CCDC30: variants seen among roughly 807,000 people sequenced by gnomAD.
CCDC30 encodes coiled-coil domain containing 30.
In CCDC30, 70 loss-of-function variants were observed where a neutral mutation model predicts 100.2. That is an observed-to-expected ratio of 0.70 (90% CI 0.58 to 0.85). CCDC30 has a LOEUF of 0.85. Among genes scored for constraint, CCDC30 ranks in the 40% least tolerant of loss-of-function variants. The pLI is 0.00. For missense variants in CCDC30, 652 were observed against 771.2 expected, an observed-to-expected ratio of 0.85 and a Z score of 1.83; for synonymous variants, 233 against 269.5, an observed-to-expected ratio of 0.86 and a Z score of 1.33.
chr1:42,569,935 A>G (rs1645696246), intron 7 of CCDC30, among the ~76,000 whole-genome samples: 1 of 152,316 alleles, frequency 6.6e-6, no homozygotes, highest in African/African-American at 2.4e-5. Context: ...ATGAGAACAC[A>G]TGGACACAGG....
intron 1 of CCDC30, among the ~76,000 whole-genome samples, chr1:42,465,998 A>G (rs1467309455): frequency 6.6e-6 from 1 of 152,188 alleles, no homozygotes; most frequent in Non-Finnish European, 1.5e-5. Flanking sequence ...CATTTTTTAC[A>G]TTGCTACAGT....
intron 6 of CCDC30, among the ~76,000 whole-genome samples, chr1:42,508,264 T>C (rs1448505304): frequency 2.0e-5 from 3 of 152,318 alleles, no homozygotes; most frequent in East Asian, 1.9e-4. Flanking sequence ...GGAAATACTA[T>C]GGGGAGAAGA....
At chr1:42,559,166 C>T (rs1249492862) in intron 6 of CCDC30, among the ~76,000 whole-genome samples, 1 of 152,146 alleles carries the variant, frequency 6.6e-6, no homozygotes, top group Non-Finnish European at 1.5e-5. Flanking sequence ...AAAGGAAAAA[C>T]CGGTACCAGC....
intron 6 of CCDC30, among the ~76,000 whole-genome samples, chr1:42,538,603 C>A (rs1229581671): frequency 2.0e-5 from 3 of 151,942 alleles, no homozygotes; most frequent in African/African-American, 7.3e-5. Context: ...GAGACCGCAT[C>A]AATATAAATA....
At chr1:42,474,618 T>G (rs779282073) in intron 1 of CCDC30, among the ~76,000 whole-genome samples, 1 of 152,160 alleles carries the variant, frequency 6.6e-6, no homozygotes, top group Admixed American at 6.5e-5. Flanking sequence ...ATTTCGGTAG[T>G]CTACTTCTAA....
chr1:42,656,263 T>C (rs1648654496), downstream of CCDC30, among the ~76,000 whole-genome samples: 1 of 152,192 alleles, frequency 6.6e-6, no homozygotes, highest in African/African-American at 2.4e-5. Context: ...GAAAACAAAT[T>C]CGCAAGATTG....
chr1:42,630,499 C>T (rs528747385), intron 11 of CCDC30, among the ~76,000 whole-genome samples: 103 of 151,934 alleles, frequency 6.8e-4, no homozygotes, highest in African/African-American at 2.3e-3. Context: ...TATCCTACCT[C>T]GACCTCCTGA....
At chr1:42,460,274 G>A (rs1254222681), upstream of CCDC30, 3 of 1,015,524 alleles carry the variant, frequency 3.0e-6, no homozygotes, top group East Asian at 2.7e-4. Flanking sequence ...TCAAATATTG[G>A]TTGAATGCCT....
chr1:42,616,976 A>G (rs1646738221), intron 11 of CCDC30, among the ~76,000 whole-genome samples: 1 of 147,084 alleles, frequency 6.8e-6, no homozygotes, highest in Non-Finnish European at 1.5e-5. Flanking sequence ...ACAATGTGGG[A>G]AAATGCTTAT....
chr1:42,646,286 C>G (rs1647874943), exon 15 of CCDC30: 4 of 1,544,640 alleles, frequency 2.6e-6, no homozygotes, highest in Non-Finnish European at 2.6e-6. Context: ...GTTCCTGAGG[C>G]CACAGAGAAG....
chr1:42,629,969 ATTTTTTTTTTTTT>A (rs4019432), intron 11 of CCDC30, among the ~76,000 whole-genome samples: 8 of 90,146 alleles, frequency 8.9e-5, no homozygotes, highest in Non-Finnish European at 1.3e-4. Context: ...ATGTCCCCCT[ATTTTTTTTTTTTT>A]TTTTTTTTTT....
intron 7 of CCDC30, 65 bp from the exon 12 acceptor site, chr1:42,576,955 G>A: frequency 8.1e-7 from 1 of 1,228,838 alleles, no homozygotes; most frequent in Non-Finnish European, 1.2e-6. Flanking sequence ...TTTGAAAGCT[G>A]CTTATTCTAG....
chr1:42,564,344 T>C (rs1053724498), intron 6 of CCDC30, among the ~76,000 whole-genome samples: 10 of 151,968 alleles, frequency 6.6e-5, no homozygotes, highest in Non-Finnish European at 1.3e-4. Context: ...TGAGACAGAG[T>C]CTCTGTCACT....
intron 6 of CCDC30, among the ~76,000 whole-genome samples, chr1:42,560,590 C>T (rs755262563): frequency 6.6e-5 from 10 of 152,010 alleles, no homozygotes; most frequent in Admixed American, 2.0e-4. Flanking sequence ...AGGCTGGTCT[C>T]GAACACCTGA....
chr1:42,629,894 G>A (rs1037680141), intron 11 of CCDC30, among the ~76,000 whole-genome samples: 5 of 151,472 alleles, frequency 3.3e-5, no homozygotes, highest in Non-Finnish European at 4.4e-5. Context: ...GATTACGGGC[G>A]TGAGCCGCTG....
chr1:42,546,106 A>G (rs566113252), intron 6 of CCDC30, among the ~76,000 whole-genome samples: 148 of 151,634 alleles, frequency 9.8e-4, no homozygotes, highest in African/African-American at 3.6e-3. Context: ...GGCCTGTTAC[A>G]TATGCACAGT....
At chr1:42,653,991 A>G (rs749292555) in exon 17 of CCDC30, 32 of 1,613,948 alleles carry the variant, frequency 2.0e-5, no homozygotes, top group Admixed American at 1.7e-4. Context: ...AAGGAGACAC[A>G]TGGTATACAA....
chr1:42,533,556 T>C (rs1488332482), intron 6 of CCDC30, among the ~76,000 whole-genome samples: 1 of 152,158 alleles, frequency 6.6e-6, no homozygotes, highest in Admixed American at 6.5e-5. Context: ...TTCTACACCA[T>C]AACAACTCTT....
intron 12 of CCDC30, among the ~76,000 whole-genome samples, 179 bp downstream of exon 16, chr1:42,637,557 C>T (rs914260153): frequency 6.6e-6 from 1 of 152,200 alleles, no homozygotes; most frequent in African/African-American, 2.4e-5. Context: ...GTACATAAGA[C>T]TCCTAGTGCT....
Sources: allele counts gnomAD v4.1 joint callset (sites outside exome capture counted in the v4.1 genomes callset), GRCh38; gene constraint gnomAD v4.1.1; transcripts MANE v1.5; gene names NCBI Gene and HGNC (gene_info 2026-07-23, HGNC 2026-07-21).